Variants in HMGA1 observed in about 807,000 individuals in gnomAD.
The protein encoded by HMGA1 is high mobility group protein HMG-I/HMG-Y.
In HMGA1, 1 loss-of-function variant was observed where a neutral mutation model predicts 15.1. The observed-to-expected ratio is 0.07, with a 90% CI of 0.02 to 0.31. HMGA1 has a LOEUF of 0.31. HMGA1 is among the 10% of genes least tolerant of loss of function. The probability of loss-of-function intolerance (pLI) is 1.00; values close to 1 mark genes in which losing one functional copy is unlikely to be tolerated. For missense variants in HMGA1, 94 were observed against 141.4 expected, an observed-to-expected ratio of 0.66 and a Z score of 1.70; for synonymous variants, 56 against 54.8, an observed-to-expected ratio of 1.02 and a Z score of -0.10.
rs1243558250 is a variant in HMGA1 at position 34,242,791 on chromosome 6, C to T, written c.215C>T (p.Thr72Ile). Residue 72 changes from threonine to isoleucine, a missense_variant, in exon 4 of 6, where the codon ACC becomes ATC. Physicochemically the swap from Thr to Ile is moderately conservative, Grantham distance 89. Coordinates refer to ENST00000311487, the MANE Select transcript of HMGA1 (RefSeq NM_145899.3). ...AGCAAAAACAAGGGTGCTGCCAAGACCCGGGTGAGACTTGAGATGGGACTA... is the reference window on the plus strand; with the variant it reads ...AGCAAAAACAAGGGTGCTGCCAAGATCCGGGTGAGACTTGAGATGGGACTA... ...KGSKNKGAAKTRKTTTTPGRK... is the reference protein window; with the variant it reads ...KGSKNKGAAKIRKTTTTPGRK... 11 of 1,583,930 alleles carry T rather than the reference C, an allele frequency of 6.9e-6. No homozygotes were observed. Among genetic ancestry groups the T allele is most frequent in the Non-Finnish European group, 8.6e-6 (10 of 1,163,142 alleles).
intron 2 of HMGA1, 116 bp downstream of exon 2, chr6:34,237,433 T>G (rs1761859444): frequency 1.4e-5 from 2 of 139,710 alleles, no homozygotes; most frequent in African/African-American, 5.1e-5. Flanking sequence ...GCCGGCTTTA[T>G]TCCCAGGCCG....
chr6:34,243,840 C>T (rs905499462), intron 5 of HMGA1, among the ~76,000 whole-genome samples: 5 of 152,096 alleles, frequency 3.3e-5, no homozygotes, highest in Non-Finnish European at 7.4e-5. Context: ...CCTGTGTCCC[C>T]CTCAATTAGA....
chr6:34,244,693 TGAG>T, intron 5 of HMGA1, 135 bp from the exon 6 acceptor site: 1 of 735,956 alleles, frequency 1.4e-6, no homozygotes, highest in South Asian at 1.5e-5. Context: ...TGGAGGTTGC[TGAG>T]TCACCCACAC....
chr6:34,240,180 T>C (rs1194658192), intron 2 of HMGA1, among the ~76,000 whole-genome samples: 1 of 152,188 alleles, frequency 6.6e-6, no homozygotes, highest in Admixed American at 6.5e-5. Flanking sequence ...GCTGTGTGAT[T>C]GGCTCTTTTT....
Position 34,243,357 on chromosome 6 carries a change from G to A in HMGA1, c.220-111G>A, listed in dbSNP as rs1561875498. Reference sequence around the variant, plus strand: ...ACTTGGGTGGGCCTGTTGGGTGAGAGTGTTGGGTCACCCTGAACAGGCAGG... The same window carrying A: ...ACTTGGGTGGGCCTGTTGGGTGAGAATGTTGGGTCACCCTGAACAGGCAGG... On this transcript the variant is annotated intron_variant, in intron 4 of 5. Coordinates refer to ENST00000311487, the MANE Select transcript of HMGA1 (RefSeq NM_145899.3). 8 of 838,740 alleles carry A rather than the reference G, an allele frequency of 9.5e-6. 1 individual carries two copies. The South Asian group carries it at 1.0e-4, about 10-fold the overall frequency. 52.0% of individuals were successfully genotyped at this position (838,740 alleles called of 1,614,324 possible). A position where few individuals can be genotyped will look rare whatever the true frequency, so the allele number is the denominator to read the frequency against.
In HMGA1 at chr6:34,240,951, C is replaced by G. The variant is rs367880290; in HGVS notation, c.135+36C>G. On this transcript the variant is annotated intron_variant, in intron 3 of 5. Coordinates refer to ENST00000311487, the MANE Select transcript of HMGA1 (RefSeq NM_145899.3). ...AAACCTTTGCTTCACTTGGTTTACCCTTTGGGGCTAGGGAGGTGCCTGGAG... is the reference window on the plus strand; with the variant it reads ...AAACCTTTGCTTCACTTGGTTTACCGTTTGGGGCTAGGGAGGTGCCTGGAG... The G allele has an allele frequency of 2.4e-5, 39 of 1,612,736 alleles. No homozygotes were observed. The African/African-American group carries it at 4.4e-4, about 18-fold the overall frequency.
At chr6:34,241,868 C>T (rs549742418) in intron 3 of HMGA1, among the ~76,000 whole-genome samples, 55 of 152,150 alleles carry the variant, frequency 3.6e-4, no homozygotes, top group South Asian at 8.3e-4. Flanking sequence ...CAGGGAGACA[C>T]GAGCTGTGAG....
At chr6:34,240,091 A>G (rs983003203) in intron 2 of HMGA1, among the ~76,000 whole-genome samples, 1 of 152,054 alleles carries the variant, frequency 6.6e-6, no homozygotes, top group Non-Finnish European at 1.5e-5. Context: ...TCCCTCCCTC[A>G]ATTATACCAA....
chr6:34,244,790 G>T (rs1762600964), intron 5 of HMGA1, 41 bp from the exon 6 acceptor site: 3 of 1,532,064 alleles, frequency 2.0e-6, no homozygotes, highest in Non-Finnish European at 1.8e-6. Flanking sequence ...GGAAGAGGGG[G>T]ACCGGGCCAG....
chr6:34,239,894 C>T (rs1037896974), intron 2 of HMGA1, among the ~76,000 whole-genome samples: 1 of 152,040 alleles, frequency 6.6e-6, no homozygotes, highest in African/African-American at 2.4e-5. Context: ...TAAACCTCAT[C>T]CTAAAGGATG....
Position 34,245,339 on chromosome 6 carries a change from C to T in HMGA1, c.*455C>T, listed in dbSNP as rs746174678. 7.3e-7 allele frequency: 1 copy of T among 1,364,986 alleles called. No individual in the cohort carries two copies. The allele number at this position is 1,364,986 out of a possible 1,614,324, so 84.6% of individuals were successfully genotyped here. A position where few individuals can be genotyped will look rare whatever the true frequency, so the allele number is the denominator to read the frequency against. ...CCCTGGCCTTAAAAGGGGCCCAAGC[C>T]CCATCTCATCCTGGCACGCCCTACT... On this transcript the variant is annotated 3_prime_UTR_variant, in exon 6 of 6. Coordinates refer to ENST00000311487, the MANE Select transcript of HMGA1 (RefSeq NM_145899.3).
At chr6:34,242,178 C>T (rs1048584918) in intron 3 of HMGA1, among the ~76,000 whole-genome samples, 9 of 152,150 alleles carry the variant, frequency 5.9e-5, no homozygotes, top group African/African-American at 2.2e-4. Flanking sequence ...GGCTATAATT[C>T]CCCTTCTCTG....
chr6:34,237,024 T>C (rs972824374), intron 1 of HMGA1, 61 bp downstream of exon 1: 2 of 151,794 alleles, frequency 1.3e-5, no homozygotes, highest in African/African-American at 2.4e-5. Context: ...ATTAAATTAT[T>C]TATTTATTGA....
intron 2 of HMGA1, among the ~76,000 whole-genome samples, chr6:34,238,091 G>T (rs1321577225): frequency 6.6e-6 from 1 of 152,162 alleles, no homozygotes; most frequent in African/African-American, 2.4e-5. Context: ...CGGAGGGAGG[G>T]GGCTTTCTTC....
chr6:34,245,463 T>C lies in HMGA1; in HGVS notation c.*579T>C. The C allele has an allele frequency of 7.3e-7, 1 of 1,375,486 alleles. No homozygotes were observed. The allele number at this position is 1,375,486 out of a possible 1,614,324, so 85.2% of individuals were successfully genotyped here. A position where few individuals can be genotyped will look rare whatever the true frequency, so the allele number is the denominator to read the frequency against. On this transcript the variant is annotated 3_prime_UTR_variant, in exon 6 of 6. Coordinates refer to ENST00000311487, the MANE Select transcript of HMGA1 (RefSeq NM_145899.3). ...TCTTTGTCACCACGTGGGGCTCACT[T>C]TTCATCCTTCCCCAACTTCCCTAGT...
At position 34,245,811 on chromosome 6, in the gene HMGA1, A is replaced by C. The variant is rs907325763; in HGVS notation, c.*927A>C. 5.1e-5 allele frequency: 20 copies of C among 388,716 alleles called. No homozygotes were observed. Among genetic ancestry groups the C allele is most frequent in the Middle Eastern group, 8.0e-4 (1 of 1,254 alleles). The allele number at this position is 388,716 out of a possible 1,614,324, so 24.1% of individuals were successfully genotyped here. On this transcript the variant is annotated 3_prime_UTR_variant, in exon 6 of 6. Coordinates refer to ENST00000311487, the MANE Select transcript of HMGA1 (RefSeq NM_145899.3). ...CCCTCCTGCTCCTCCCTGCCCCCCA[A>C]GGTTCTGGTTCCATTTTTCCTCTGT...
Position 34,236,940 on chromosome 6 carries a change from G to C in HMGA1, c.-182G>C, listed in dbSNP as rs1005254974. On this transcript the variant is annotated 5_prime_UTR_variant, in exon 1 of 6. Transcript: ENST00000311487. Reference sequence around the variant, plus strand: ...GGACTCCGAGCCGGGGCTATTTCTGGCGCTGGCGCGGCTCCAAGAAGGCGT... The same window carrying C: ...GGACTCCGAGCCGGGGCTATTTCTGCCGCTGGCGCGGCTCCAAGAAGGCGT... The C allele has an allele frequency of 2.6e-5, 4 of 152,518 alleles. No individual in the cohort carries two copies. Among genetic ancestry groups the C allele is most frequent in the Non-Finnish European group, 5.9e-5 (4 of 68,052 alleles). 9.4% of individuals were successfully genotyped at this position (152,518 alleles called of 1,614,324 possible). A position where few individuals can be genotyped will look rare whatever the true frequency, so the allele number is the denominator to read the frequency against.
At chr6:34,244,401 C>T (rs1306895370) in intron 5 of HMGA1, among the ~76,000 whole-genome samples, 1 of 152,104 alleles carries the variant, frequency 6.6e-6, no homozygotes, top group African/African-American at 2.4e-5. Context: ...CAGCATCTGC[C>T]CCTGTGGGCC....
intron 4 of HMGA1, among the ~76,000 whole-genome samples, chr6:34,243,122 C>G (rs769610244): frequency 6.6e-6 from 1 of 152,166 alleles, no homozygotes; most frequent in Admixed American, 6.5e-5. Flanking sequence ...GTTACCTTCT[C>G]TTGGGGTTCC....
Sources: allele counts gnomAD v4.1 joint callset (sites outside exome capture counted in the v4.1 genomes callset), GRCh38; gene constraint gnomAD v4.1.1; transcripts MANE v1.5; gene names NCBI Gene and HGNC (gene_info 2026-07-23, HGNC 2026-07-21).